The following SPMAP2L variants were observed in gnomAD, a reference collection of about 807,000 sequenced individuals.
SPMAP2L encodes sperm microtubule associated protein 2-like.
the SPMAP2L span, among the ~76,000 whole-genome samples, chr4:56,540,647 GAAAA>G: frequency 6.6e-6 from 1 of 151,858 alleles, no homozygotes; most frequent in Non-Finnish European, 1.5e-5. Flanking sequence ...GAGAAAGAAA[GAAAA>G]GAGAGAAAGA....
the SPMAP2L span, chr4:56,584,719 A>G: frequency 1.3e-6 from 1 of 780,586 alleles, no homozygotes; most frequent in Non-Finnish European, 2.1e-6. Flanking sequence ...TTTCCCTCTT[A>G]TCAAATGAAC....
chr4:56,545,644 T>G, the SPMAP2L span, among the ~76,000 whole-genome samples: 19 of 135,410 alleles, frequency 1.4e-4, no homozygotes, highest in South Asian at 4.7e-4. Flanking sequence ...TCGCTTGAAC[T>G]GGGGAGGTGG....
the SPMAP2L span, among the ~76,000 whole-genome samples, chr4:56,564,256 C>T: frequency 1.8e-4 from 28 of 152,060 alleles, no homozygotes; most frequent in Admixed American, 1.3e-3. Flanking sequence ...ACCTCAGCCT[C>T]CCAAGTAGCT....
chr4:56,570,711 C>T, the SPMAP2L span, among the ~76,000 whole-genome samples: 24,909 of 148,896 alleles, frequency 0.17, 2,433 homozygotes, highest in South Asian at 0.3. Flanking sequence ...AAACACTGTA[C>T]ACTGAAGTTA....
the SPMAP2L span, among the ~76,000 whole-genome samples, chr4:56,543,428 C>A: frequency 6.6e-6 from 1 of 151,802 alleles, no homozygotes; most frequent in Non-Finnish European, 1.5e-5. Flanking sequence ...CATGGTGGCT[C>A]ACACCTGTAA....
the SPMAP2L span, chr4:56,548,723 G>T: frequency 1.8e-6 from 2 of 1,105,294 alleles, no homozygotes; most frequent in South Asian, 2.0e-5. Context: ...AATTTGTGAT[G>T]CTATCTTAAT....
the SPMAP2L span, chr4:56,593,323 C>T: frequency 2.6e-6 from 3 of 1,147,156 alleles, no homozygotes; most frequent in Non-Finnish European, 2.7e-6. Context: ...TGTTGACCCC[C>T]ATTGCCACCC....
chr4:56,594,080 A>G, the SPMAP2L span: 3 of 1,608,686 alleles, frequency 1.9e-6, no homozygotes, highest in Admixed American at 1.7e-5. Flanking sequence ...TCTTGATGAA[A>G]CAGTCAATGA....
the SPMAP2L span, among the ~76,000 whole-genome samples, chr4:56,577,822 T>G: frequency 8.5e-5 from 13 of 152,274 alleles, no homozygotes; most frequent in African/African-American, 3.1e-4. Context: ...TCATCTCTAC[T>G]AAAAACAAAA....
the SPMAP2L span, among the ~76,000 whole-genome samples, chr4:56,543,381 C>A: frequency 6.6e-6 from 1 of 152,088 alleles, no homozygotes; most frequent in Non-Finnish European, 1.5e-5. Flanking sequence ...CCGCGCCCAG[C>A]CATGTTTTGC....
At chr4:56,609,998 G>C in the SPMAP2L span, among the ~76,000 whole-genome samples, 5 of 152,266 alleles carry the variant, frequency 3.3e-5, no homozygotes, top group East Asian at 9.6e-4. Flanking sequence ...GATGGGTAGA[G>C]TGAATATTGT....
At chr4:56,571,181 A>G in the SPMAP2L span, among the ~76,000 whole-genome samples, 2 of 151,988 alleles carry the variant, frequency 1.3e-5, no homozygotes, top group Non-Finnish European at 1.5e-5. Context: ...CTTAGCTTAA[A>G]ACACAAACAC....
At chr4:56,568,701 T>G in the SPMAP2L span, among the ~76,000 whole-genome samples, 2 of 152,218 alleles carry the variant, frequency 1.3e-5, no homozygotes, top group Non-Finnish European at 2.9e-5. Context: ...AGTGTATAAA[T>G]TAGAGTTTGG....
chr4:56,566,951 T>C, the SPMAP2L span, among the ~76,000 whole-genome samples: 3 of 152,002 alleles, frequency 2.0e-5, no homozygotes, highest in African/African-American at 7.2e-5. Flanking sequence ...CACCTTGGCC[T>C]CCCAAAGTTC....
the SPMAP2L span, chr4:56,530,831 C>T: frequency 6.5e-7 from 1 of 1,535,276 alleles, no homozygotes; most frequent in Non-Finnish European, 8.7e-7. Flanking sequence ...TCCGAGGATC[C>T]CGAGAAACAC....
At chr4:56,537,794 G>A in the SPMAP2L span, among the ~76,000 whole-genome samples, 560 of 151,938 alleles carry the variant, frequency 3.7e-3, 2 homozygotes, top group African/African-American at 0.013. Context: ...CCGGGTTCAC[G>A]CCATTCTCCT....
the SPMAP2L span, among the ~76,000 whole-genome samples, chr4:56,580,541 T>C: frequency 6.6e-6 from 1 of 152,032 alleles, no homozygotes; most frequent in African/African-American, 2.4e-5. Context: ...GACTGAACGC[T>C]TTACCCCTGA....
chr4:56,612,960 CATGCTTGGGGTGCCCAGCAAACCTCT>C, the SPMAP2L span, among the ~76,000 whole-genome samples: 1 of 152,134 alleles, frequency 6.6e-6, no homozygotes, highest in Non-Finnish European at 1.5e-5. Flanking sequence ...CCTTTATTTC[CATGCTTGGGGTGCCCAGCAAACCTCT>C]AAGCGGAGTC....
At chr4:56,578,028 A>G in the SPMAP2L span, among the ~76,000 whole-genome samples, 1 of 152,192 alleles carries the variant, frequency 6.6e-6, no homozygotes, top group Admixed American at 6.5e-5. Context: ...AAGGGCACAA[A>G]AAGAATTAAC....
Sources: gnomAD v4.1 joint callset for allele counts (sites outside exome capture counted in the v4.1 genomes callset) on GRCh38, gnomAD v4.1.1 for gene constraint, MANE v1.5 for transcripts, NCBI Gene and HGNC (gene_info 2026-07-23, HGNC 2026-07-21) for gene names.